Variants in GOLGA5 observed in about 807,000 individuals in gnomAD.
The protein encoded by GOLGA5 is golgin subfamily A member 5.
A neutral mutation model predicts 93.5 loss-of-function variants in GOLGA5; 50 were observed. The ratio of observed to expected loss-of-function variants is 0.53; its 90% CI spans 0.43 to 0.68. The LOEUF is 0.68. Among genes scored for constraint, GOLGA5 ranks in the 30% least tolerant of loss-of-function variants. The pLI is 0.00. For synonymous variants in GOLGA5, 312 were observed against 304.5 expected, an observed-to-expected ratio of 1.02 and a Z score of -0.26; for missense variants, 760 against 856.4, an observed-to-expected ratio of 0.89 and a Z score of 1.40.
intron 11 of GOLGA5, among the ~76,000 whole-genome samples, chr14:92,836,397 A>C (rs1217309241): frequency 6.6e-6 from 1 of 152,246 alleles, no homozygotes; most frequent in African/African-American, 2.4e-5. Context: ...CTAGGATGCC[A>C]TAGCCATTAT....
intron 9 of GOLGA5, among the ~76,000 whole-genome samples, chr14:92,829,135 T>C (rs560868911): frequency 4.2e-4 from 64 of 152,270 alleles, no homozygotes; most frequent in African/African-American, 1.5e-3. Context: ...TGGCTACTTT[T>C]GTTTTTTTGT....
chr14:92,834,114 A>G (rs1885585924), intron 10 of GOLGA5, among the ~76,000 whole-genome samples: 2 of 151,620 alleles, frequency 1.3e-5, no homozygotes, highest in Non-Finnish European at 2.9e-5. Flanking sequence ...CCTCGCTTAA[A>G]TTAATAAAAT....
At position 92,819,773 on chromosome 14, in the gene GOLGA5, C is replaced by A; in HGVS notation, c.1557C>A (p.Asp519Glu). ...GAGAACAGTTACAGGATCTGCATGA[C>A]CAAATAGCTGGGCAGAAAGCATCCA... The part of the protein sequence containing the change: ...SAREQLQDLH[D>E]QIAGQKASKQ... Residue 519 changes from aspartate to glutamate, a missense_variant, in exon 8 of 13, where the codon GAC becomes GAA. Transcript: ENST00000163416. 1 of 1,613,650 alleles carries A rather than the reference C, an allele frequency of 6.2e-7. No homozygotes were observed. Among genetic ancestry groups the A allele is most frequent in the Non-Finnish European group, 8.5e-7 (1 of 1,179,570 alleles).
At chr14:92,818,963 A>C (rs1042714105) in intron 7 of GOLGA5, among the ~76,000 whole-genome samples, 1 of 152,240 alleles carries the variant, frequency 6.6e-6, no homozygotes, top group African/African-American at 2.4e-5. Flanking sequence ...TAAAGCTAAA[A>C]GAAGAAAATT....
At chr14:92,813,838 A>G (rs914570851) in intron 6 of GOLGA5, among the ~76,000 whole-genome samples, 6 of 152,022 alleles carry the variant, frequency 3.9e-5, no homozygotes, top group African/African-American at 1.5e-4. Context: ...AATAATGAGG[A>G]CCTGATCAAA....
chr14:92,795,635 A>G (rs954753173), intron 1 of GOLGA5, among the ~76,000 whole-genome samples: 5 of 152,206 alleles, frequency 3.3e-5, no homozygotes, highest in African/African-American at 4.8e-5. Flanking sequence ...GTGAGTGCCT[A>G]CTGTGTGCTA....
chr14:92,833,916 C>T (rs1021421070), intron 10 of GOLGA5, among the ~76,000 whole-genome samples: 8 of 151,084 alleles, frequency 5.3e-5, no homozygotes, highest in Non-Finnish European at 7.4e-5. Context: ...GTTTAAGAGA[C>T]GCTGGGTGCC....
intron 9 of GOLGA5, among the ~76,000 whole-genome samples, chr14:92,832,364 A>G (rs1885547913): frequency 6.6e-6 from 1 of 152,196 alleles, no homozygotes; most frequent in Non-Finnish European, 1.5e-5. Context: ...AGCCTAGATA[A>G]GAGAAGGGGA....
intron 1 of GOLGA5, among the ~76,000 whole-genome samples, chr14:92,796,605 C>A (rs1402662237): frequency 6.6e-6 from 1 of 152,008 alleles, no homozygotes; most frequent in Non-Finnish European, 1.5e-5. Context: ...ATTCTGAGGT[C>A]TGGGGGTTAG....
intron 9 of GOLGA5, among the ~76,000 whole-genome samples, chr14:92,828,809 C>T (rs1267148893): frequency 6.6e-6 from 1 of 152,110 alleles, no homozygotes; most frequent in Non-Finnish European, 1.5e-5. Flanking sequence ...ACTGGGATTA[C>T]AGGTGCATGC....
At chr14:92,812,274 G>A (rs1885119095) in intron 6 of GOLGA5, among the ~76,000 whole-genome samples, 1 of 152,140 alleles carries the variant, frequency 6.6e-6, no homozygotes, top group South Asian at 2.1e-4. Flanking sequence ...TTTCCTGCCT[G>A]TGCATTGATT....
At chr14:92,838,211 G>A (rs927726578) in intron 12 of GOLGA5, among the ~76,000 whole-genome samples, 8 of 152,124 alleles carry the variant, frequency 5.3e-5, no homozygotes, top group African/African-American at 1.4e-4. Flanking sequence ...CGCATGTACC[G>A]TGTGCCTAAA....
Position 92,839,940 on chromosome 14 carries a change from AAT to A in GOLGA5, c.*497_*498del, listed in dbSNP as rs1566963384. On this transcript the variant is annotated 3_prime_UTR_variant, in exon 13 of 13. Transcript: ENST00000163416. ...TTTATAAATACATAAATAAAAGAAA[AAT>A]ATGCATTTTTCTTTTCTAAAATAAT... is the stretch of plus-strand genomic sequence containing the variant. 1 of 168,052 alleles carries A rather than the reference AAT, an allele frequency of 6.0e-6. No individual in the cohort carries two copies. The highest frequency in any genetic ancestry group is 1.3e-5 in the Non-Finnish European group (1 of 77,278). 10.4% of individuals were successfully genotyped at this position (168,052 alleles called of 1,614,324 possible).
intron 8 of GOLGA5, among the ~76,000 whole-genome samples, chr14:92,820,484 G>A (rs1237485083): frequency 1.3e-5 from 2 of 152,322 alleles, no homozygotes; most frequent in Non-Finnish European, 2.9e-5. Context: ...TGGGCAGGCA[G>A]GAGAAAGAGG....
intron 8 of GOLGA5, among the ~76,000 whole-genome samples, chr14:92,823,865 A>G (rs956093641): frequency 6.6e-6 from 1 of 152,148 alleles, no homozygotes; most frequent in Non-Finnish European, 1.5e-5. Context: ...TTGTATTCCT[A>G]AGAATATGAT....
At chr14:92,796,120 T>G (rs1884720771) in intron 1 of GOLGA5, among the ~76,000 whole-genome samples, 1 of 152,236 alleles carries the variant, frequency 6.6e-6, no homozygotes, top group Non-Finnish European at 1.5e-5. Context: ...TTAGATAAAT[T>G]ATGTGCACAC....
chr14:92,837,290 T>G (rs1359956059), intron 11 of GOLGA5, 96 bp from the exon 12 acceptor site: 21 of 656,948 alleles, frequency 3.2e-5, no homozygotes, highest in Non-Finnish European at 4.9e-5. Flanking sequence ...TTTAAATGAG[T>G]TAAATTTATC....
intron 2 of GOLGA5, among the ~76,000 whole-genome samples, chr14:92,799,900 C>A (rs1884831775): frequency 6.6e-6 from 1 of 152,198 alleles, no homozygotes; most frequent in Admixed American, 6.5e-5. Context: ...AGCCACCACA[C>A]CTGGCCAGGG....
At chr14:92,819,563 T>G in intron 7 of GOLGA5, 145 bp from the exon 8 acceptor site, 1 of 698,084 alleles carries the variant, frequency 1.4e-6, no homozygotes, top group Non-Finnish European at 2.5e-6. Flanking sequence ...AGCCCAGGAG[T>G]TTGAGGCTGC....
Sources: allele counts gnomAD v4.1 joint callset (sites outside exome capture counted in the v4.1 genomes callset), GRCh38; gene constraint gnomAD v4.1.1; transcripts MANE v1.5; gene names NCBI Gene and HGNC (gene_info 2026-07-23, HGNC 2026-07-21).